The following DENND2A variants were observed in gnomAD, a reference collection of about 807,000 sequenced individuals.
DENND2A encodes DENN domain-containing protein 2A.
A neutral mutation model predicts 105.3 loss-of-function variants in DENND2A; 53 were observed. That is an observed-to-expected ratio of 0.50 (90% CI 0.40 to 0.63). The LOEUF (loss-of-function observed/expected upper bound fraction) is 0.63, where lower values mean the gene tolerates loss of function less well. DENND2A is among the 30% of genes least tolerant of loss of function. The pLI is 0.00. For missense variants in DENND2A, 1,138 were observed against 1,279.6 expected, an observed-to-expected ratio of 0.89 and a Z score of 1.69; for synonymous variants, 522 against 508.4, an observed-to-expected ratio of 1.03 and a Z score of -0.36.
intron 4 of DENND2A, 127 bp downstream of exon 4, chr7:140,587,526 A>G: frequency 7.6e-7 from 1 of 1,316,818 alleles, no homozygotes; most frequent in Non-Finnish European, 1.1e-6. Flanking sequence ...ATCCGAGTGC[A>G]CAGGTGTCTT....
In DENND2A at chr7:140,567,282, G is replaced by T. The variant is rs1797879809; in HGVS notation, c.1592-9C>A. The T allele has an allele frequency of 1.3e-6, 2 of 1,591,586 alleles. No homozygotes were observed. The highest frequency in any genetic ancestry group is 1.7e-5 in the Admixed American group (1 of 57,476). ...CAGGCGCTGGCTGTGAGCTGGGTGA[G>T]GGAGGGAGAGAGAAAGAGAGAAAGA... is the stretch of plus-strand genomic sequence containing the variant. On this transcript the variant is annotated splice_polypyrimidine_tract_variant and intron_variant, in intron 8 of 19. Coordinates refer to ENST00000496613, the MANE Select transcript of DENND2A (RefSeq NM_015689.5).
In DENND2A at chr7:140,591,671, C is replaced by T. The variant is rs374496615; in HGVS notation, c.996-3891G>A. 5.9e-3 allele frequency among the ~76,000 whole-genome samples: 868 copies of T among 146,206 alleles called. 5 individuals carry two copies. The highest frequency in any genetic ancestry group is 0.017 in the African/African-American group (652 of 38,294). ...CCTTCCTTCCTTTCTTTCTTTCTTT[C>T]TCTTTCTTTCTTTCTTTCTTTCCTT... On this transcript the variant is annotated intron_variant, in intron 3 of 19. Coordinates refer to ENST00000496613, the MANE Select transcript of DENND2A (RefSeq NM_015689.5).
At chr7:140,561,153 C>T (rs1054117413) in intron 9 of DENND2A, among the ~76,000 whole-genome samples, 2 of 152,064 alleles carry the variant, frequency 1.3e-5, no homozygotes, top group African/African-American at 4.8e-5. Context: ...ACTGCGAGTG[C>T]ATACCATCAC....
chr7:140,519,089 C>T (rs1795759728), intron 19 of DENND2A, among the ~76,000 whole-genome samples: 2 of 152,224 alleles, frequency 1.3e-5, no homozygotes, highest in African/African-American at 4.8e-5. Context: ...TTCCAGGTAG[C>T]CCTCCGTCCT....
chr7:140,628,707 T>G (rs1189733808), intron 1 of DENND2A, among the ~76,000 whole-genome samples: 1 of 151,752 alleles, frequency 6.6e-6, no homozygotes, highest in East Asian at 1.9e-4. Context: ...GCCCGGCCAA[T>G]TTTTTTGTAT....
intron 1 of DENND2A, among the ~76,000 whole-genome samples, chr7:140,612,100 G>A (rs1450130270): frequency 6.6e-6 from 1 of 152,114 alleles, no homozygotes; most frequent in Non-Finnish European, 1.5e-5. Flanking sequence ...AATTAGCTGG[G>A]TGTTGTGGCA....
intron 12 of DENND2A, among the ~76,000 whole-genome samples, chr7:140,550,071 C>T (rs1474444563): frequency 8.1e-6 from 1 of 122,732 alleles, no homozygotes; most frequent in Non-Finnish European, 1.6e-5. Context: ...TCCTAGAATC[C>T]TGGAATTCAT....
chr7:140,518,558 A>G lies in DENND2A; in HGVS notation c.*149T>C, dbSNP rs1795740015. ...CCAGGCGGCTCCCAGGTCCTCATCC[A>G]GGGAAGAGCCCAGCCTCGGCCAGAA... On this transcript the variant is annotated 3_prime_UTR_variant, in exon 20 of 20. Transcript: ENST00000496613. The G allele has an allele frequency of 2.8e-6, 2 of 721,554 alleles. No individual in the cohort carries two copies. The highest frequency in any genetic ancestry group is 3.0e-5 in the East Asian group (1 of 33,722). The allele number at this position is 721,554 out of a possible 1,614,324, so 44.7% of individuals were successfully genotyped here.
In DENND2A at chr7:140,601,552, A is replaced by G; in HGVS notation, c.846T>C (p.Asp282=). The G allele has an allele frequency of 6.2e-7, 1 of 1,614,154 alleles. No homozygotes were observed. The highest frequency in any genetic ancestry group is 8.5e-7 in the Non-Finnish European group (1 of 1,180,032). The part of the protein sequence containing the change: ...TFKHAGEGDK[D]GKPGIGFRKE... ...TCCTGAAGCCGATGCCAGGCTTCCCATCTTTGTCCCCTTCTCCGGCATGTT... is the reference window on the plus strand; with the variant it reads ...TCCTGAAGCCGATGCCAGGCTTCCCGTCTTTGTCCCCTTCTCCGGCATGTT... Residue 282 remains aspartate (D), a synonymous_variant, in exon 3 of 20, where the codon GAT becomes GAC. Coordinates refer to ENST00000496613, the MANE Select transcript of DENND2A (RefSeq NM_015689.5).
chr7:140,640,577 G>A lies in DENND2A; in HGVS notation c.-321C>T, dbSNP rs1490379092. 1 of 149,734 alleles carries A rather than the reference G, an allele frequency of 6.7e-6. No individual in the cohort carries two copies. The highest frequency in any genetic ancestry group is 1.5e-5 in the Non-Finnish European group (1 of 66,968). The allele number at this position is 149,734 out of a possible 1,614,324, so 9.3% of individuals were successfully genotyped here. ...TCCGGGGCGGGCCGGGACGGCTGGC[G>A]GCGCGGCTCGGGGGCGGGCGGCGGC... On this transcript the variant is annotated 5_prime_UTR_variant, in exon 1 of 20. Coordinates refer to ENST00000496613, the MANE Select transcript of DENND2A (RefSeq NM_015689.5). The surrounding 1 kb of genome is among the most constrained non-coding windows in gnomAD (Gnocchi z 4.9).
chr7:140,599,043 A>T (rs1799386265), intron 3 of DENND2A, among the ~76,000 whole-genome samples: 1 of 152,142 alleles, frequency 6.6e-6, no homozygotes, highest in Admixed American at 6.6e-5. Context: ...ACTAGATATT[A>T]AAATACATTA....
chr7:140,585,278 T>G (rs2130644290), intron 5 of DENND2A, among the ~76,000 whole-genome samples: 1 of 152,348 alleles, frequency 6.6e-6, no homozygotes, highest in East Asian at 1.9e-4. Flanking sequence ...TTCCGTCTTG[T>G]ATCTTAGAGT....
At chr7:140,553,342 T>G (rs934876539) in intron 12 of DENND2A, among the ~76,000 whole-genome samples, 16 of 152,232 alleles carry the variant, frequency 1.1e-4, no homozygotes, top group African/African-American at 3.6e-4. Context: ...AAAGCAGTAT[T>G]GCATGTTCCA....
chr7:140,601,910 A>C lies in DENND2A; in HGVS notation c.488T>G (p.Val163Gly). The change falls in exon 3 of 20, where the codon GTC becomes GGC. Residue 163 changes from valine to glycine, a missense_variant. Val to Gly is a moderately radical substitution (Grantham distance 109). Transcript: ENST00000496613. Reference protein sequence around the residue: ...QNDPLSVLKQVKKLEQALKDG... With the variant: ...QNDPLSVLKQGKKLEQALKDG... ...CTTCAAAGCCTGCTCGAGTTTCTTGACCTGCTTCAGCACGGAGAGGGGATC... is the reference window on the plus strand; with the variant it reads ...CTTCAAAGCCTGCTCGAGTTTCTTGCCCTGCTTCAGCACGGAGAGGGGATC... 1 of 1,614,040 alleles carries C rather than the reference A, an allele frequency of 6.2e-7. No individual in the cohort carries two copies. The highest frequency in any genetic ancestry group is 8.5e-7 in the Non-Finnish European group (1 of 1,180,004).
Position 140,527,480 on chromosome 7 carries a change from G to A in DENND2A, c.2343C>T (p.Cys781=). ...AGATCAGCGCCACCATCGCGTGGCAGCACTTGGACAGGATGCTGCAGCCGG... is the reference window on the plus strand; with the variant it reads ...AGATCAGCGCCACCATCGCGTGGCAACACTTGGACAGGATGCTGCAGCCGG... ...IADKLSILSK[C]CHAMVALIYP... is the part of the protein sequence containing the mutation. The change falls in exon 15 of 20, where the codon TGC becomes TGT. Residue 781 remains cysteine (C), a synonymous_variant. Transcript: ENST00000496613. This position sits in a 1 kb window ranked among gnomAD's most constrained non-coding sequence, Gnocchi z 4.9. 1 of 1,603,364 alleles carries A rather than the reference G, an allele frequency of 6.2e-7. No individual in the cohort carries two copies. The highest frequency in any genetic ancestry group is 8.5e-7 in the Non-Finnish European group (1 of 1,174,374).
In DENND2A at chr7:140,571,980, A is replaced by ATC. The variant is rs58273598; in HGVS notation, c.1446+1826_1446+1827dup. On this transcript the variant is annotated intron_variant, in intron 6 of 19. Transcript: ENST00000496613. ...TCCCTAAGTGGACTTCAGCAGAACCATCTCTCTCTCTCTCTCTCTCTCTGT... is the reference window on the plus strand; with the variant it reads ...TCCCTAAGTGGACTTCAGCAGAACCATCTCTCTCTCTCTCTCTCTCTCTCTGT... Among the ~76,000 whole-genome samples, 154 of 149,044 alleles carry ATC rather than the reference A, an allele frequency of 1.0e-3. 1 individual carries two copies. The highest frequency in any genetic ancestry group is 7.4e-3 in the East Asian group (37 of 4,984).
chr7:140,597,695 C>T (rs959530742), intron 3 of DENND2A, among the ~76,000 whole-genome samples: 1 of 152,182 alleles, frequency 6.6e-6, no homozygotes, highest in African/African-American at 2.4e-5. Flanking sequence ...GTTGACTCGC[C>T]TGCCCAGTGA....
intron 7 of DENND2A, 95 bp downstream of exon 7, chr7:140,569,550 C>G: frequency 1.2e-6 from 1 of 864,532 alleles, no homozygotes; most frequent in Non-Finnish European, 2.0e-6. Context: ...TTGTTCTCCT[C>G]CTTGGTGAGC....
chr7:140,588,766 C>CTTTTTTTTTTTTTTTTTTT (rs34456581), intron 3 of DENND2A, among the ~76,000 whole-genome samples: 1 of 136,846 alleles, frequency 7.3e-6, no homozygotes. Flanking sequence ...TTTTTTGGCA[C>CTTTTTTTTTTTTTTTTTTT]TTTTTTTTTT....
Sources: gnomAD v4.1 joint callset for allele counts (sites outside exome capture counted in the v4.1 genomes callset) on GRCh38, gnomAD v4.1.1 for gene constraint, Gnocchi (gnomAD v3.1) non-coding constraint, MANE v1.5 for transcripts, NCBI Gene and HGNC (gene_info 2026-07-23, HGNC 2026-07-21) for gene names.